Variants in P3H2 observed in about 807,000 individuals in gnomAD.
P3H2 encodes the protein prolyl 3-hydroxylase 2.
Under a neutral mutation model 87.0 loss-of-function variants are expected in P3H2, and 80 were observed. The ratio of observed to expected loss-of-function variants is 0.92; its 90% CI spans 0.77 to 1.11. The LOEUF is 1.11. P3H2 is among the 50% of genes least tolerant of loss of function. The pLI is 0.00. For synonymous variants in P3H2, 367 were observed against 359.3 expected (o/e 1.02, Z -0.24); for missense variants, 1,001 against 923.9 (o/e 1.08, Z -1.08).
chr3:189,971,962 T>C lies in P3H2; in HGVS notation c.1745A>G (p.Asp582Gly). 6.2e-7 allele frequency: 1 copy of C among 1,613,892 alleles called. No individual in the cohort carries two copies. Among genetic ancestry groups the C allele is most frequent in the South Asian group, 1.1e-5 (1 of 91,076 alleles). The part of the protein sequence containing the change: ...RNDLSHPIHA[D>G]NCLLDPEANE... ...GGCCTCTGGATCCAACAAACAGTTG[T>C]CAGCATGGATGGGATGACTGAGGTC... The change falls in exon 12 of 15, where the codon GAC becomes GGC. Residue 582 changes from aspartate (D) to glycine (G), a missense_variant. Transcript: ENST00000319332.
chr3:189,974,809 C>T lies in P3H2; in HGVS notation c.1325-124G>A, dbSNP rs1723300285. On this transcript the variant is annotated intron_variant, in intron 8 of 14. Coordinates refer to ENST00000319332, the MANE Select transcript of P3H2 (RefSeq NM_018192.4). The stretch of plus-strand genomic sequence containing the variant: ...ATTTCTTCATGAATATTTAGAAATG[C>T]AAAGACAAATTGCAAATTAGGAAGC... 2.5e-6 allele frequency: 3 copies of T among 1,218,800 alleles called. No individual in the cohort carries two copies. The Admixed American group carries it at 5.3e-5, about 22-fold the overall frequency. 75.5% of individuals were successfully genotyped at this position (1,218,800 alleles called of 1,614,324 possible).
At chr3:189,984,389 A>G (rs1354675884) in intron 7 of P3H2, among the ~76,000 whole-genome samples, 161 bp downstream of exon 7, 1 of 152,152 alleles carries the variant, frequency 6.6e-6, no homozygotes, top group African/African-American at 2.4e-5. Flanking sequence ...AAAACGTGGC[A>G]GGAAGAGCTG....
intron 10 of P3H2, 59 bp downstream of exon 10, chr3:189,973,850 T>A: frequency 7.6e-7 from 1 of 1,310,244 alleles, no homozygotes; most frequent in Non-Finnish European, 1.1e-6. Context: ...TATCTGCCAT[T>A]TACAGAAGCC....
chr3:190,020,204 G>C (rs1724893641), intron 1 of P3H2, among the ~76,000 whole-genome samples: 1 of 133,824 alleles, frequency 7.5e-6, no homozygotes, highest in Non-Finnish European at 1.7e-5. Context: ...AGAGACTGTA[G>C]GTTTCAGGAA....
intron 1 of P3H2, among the ~76,000 whole-genome samples, chr3:190,092,931 C>T (rs953552696): frequency 6.6e-6 from 1 of 151,914 alleles, no homozygotes; most frequent in South Asian, 2.1e-4. Flanking sequence ...CTTTCTAATC[C>T]CCCCCAAAAA....
intron 1 of P3H2, among the ~76,000 whole-genome samples, chr3:190,007,677 C>T (rs1456383219): frequency 6.6e-6 from 1 of 151,874 alleles, no homozygotes; most frequent in Non-Finnish European, 1.5e-5. Flanking sequence ...TGATGTTTGT[C>T]AGCCCTTACC....
At chr3:189,977,933 C>T (rs1266905795) in intron 8 of P3H2, among the ~76,000 whole-genome samples, 1 of 152,130 alleles carries the variant, frequency 6.6e-6, no homozygotes, top group Non-Finnish European at 1.5e-5. Context: ...AAAATCCCCC[C>T]TAAACGTCTT....
At chr3:190,093,527 C>T (rs759876009) in intron 1 of P3H2, among the ~76,000 whole-genome samples, 18 of 152,100 alleles carry the variant, frequency 1.2e-4, no homozygotes, top group African/African-American at 3.1e-4. Flanking sequence ...AGTGTCCTCA[C>T]GGTTGTTGAA....
intron 1 of P3H2, among the ~76,000 whole-genome samples, chr3:190,068,231 C>A (rs1197717782): frequency 2.0e-5 from 3 of 151,960 alleles, no homozygotes; most frequent in Non-Finnish European, 4.4e-5. Context: ...TTTGAAAGGA[C>A]CTTCAAAATA....
At chr3:190,047,323 G>A (rs934917686) in intron 1 of P3H2, among the ~76,000 whole-genome samples, 1 of 152,188 alleles carries the variant, frequency 6.6e-6, no homozygotes, top group Non-Finnish European at 1.5e-5. Context: ...AAACAGTATG[G>A]AGAGTCCTCA....
chr3:189,992,096 T>C (rs1391968652), intron 3 of P3H2, among the ~76,000 whole-genome samples: 1 of 152,156 alleles, frequency 6.6e-6, no homozygotes, highest in Non-Finnish European at 1.5e-5. Context: ...TTTGTTTGTT[T>C]GTTTGTTTTT....
At chr3:190,065,985 T>A (rs146272521) in intron 1 of P3H2, among the ~76,000 whole-genome samples, 19 of 152,172 alleles carry the variant, frequency 1.2e-4, no homozygotes, top group African/African-American at 3.9e-4. Flanking sequence ...AGGAGTGTGC[T>A]ATATAATTTC....
chr3:190,114,312 T>A (rs989328797), intron 1 of P3H2, among the ~76,000 whole-genome samples: 3 of 149,814 alleles, frequency 2.0e-5, no homozygotes, highest in Non-Finnish European at 3.0e-5. Context: ...GCCTCCCGAG[T>A]AGCTGGGACT....
At position 189,957,059 on chromosome 3, in the gene P3H2, C is replaced by T. The variant is rs1013423304; in HGVS notation, c.*853G>A. The T allele has an allele frequency of 3.8e-5, 15 of 398,400 alleles. No homozygotes were observed. Among genetic ancestry groups the T allele is most frequent in the Non-Finnish European group, 4.9e-5 (11 of 226,094 alleles). The allele number at this position is 398,400 out of a possible 1,614,324, so 24.7% of individuals were successfully genotyped here. ...TTCTGGAGTACTGTGGAGGGTGAAT[C>T]AAAGCTTCCAGTGTAAGTTTATTGT... On this transcript the variant is annotated 3_prime_UTR_variant, in exon 15 of 15. Coordinates refer to ENST00000319332, the MANE Select transcript of P3H2 (RefSeq NM_018192.4).
chr3:189,959,390 T>C (rs992487297), intron 14 of P3H2, among the ~76,000 whole-genome samples: 35 of 142,912 alleles, frequency 2.4e-4, no homozygotes, highest in South Asian at 2.5e-4. Flanking sequence ...TATCTCCCAA[T>C]GCTATCCCTC....
chr3:189,977,070 C>T (rs1405847389), intron 8 of P3H2, among the ~76,000 whole-genome samples: 2 of 152,136 alleles, frequency 1.3e-5, no homozygotes, highest in Non-Finnish European at 2.9e-5. Context: ...AATTCTCTCC[C>T]TCCCCGACTC....
chr3:190,044,708 T>C (rs570675740), intron 1 of P3H2, among the ~76,000 whole-genome samples: 133 of 152,268 alleles, frequency 8.7e-4, no homozygotes, highest in Non-Finnish European at 1.3e-3. Context: ...CTATCACATA[T>C]GGAGGAGTGA....
intron 1 of P3H2, among the ~76,000 whole-genome samples, chr3:190,103,410 G>A (rs1244879126): frequency 1.3e-5 from 2 of 152,334 alleles, no homozygotes; most frequent in East Asian, 1.9e-4. Context: ...TACAGGAAAA[G>A]AAATCATTAC....
At chr3:190,091,326 T>C (rs754051619) in intron 1 of P3H2, among the ~76,000 whole-genome samples, 12 of 152,250 alleles carry the variant, frequency 7.9e-5, no homozygotes, top group East Asian at 1.9e-4. Context: ...AGAGTCATGA[T>C]TGCCATATGG....
Sources: gnomAD v4.1 joint callset for allele counts (sites outside exome capture counted in the v4.1 genomes callset) on GRCh38, gnomAD v4.1.1 for gene constraint, MANE v1.5 for transcripts, NCBI Gene and HGNC (gene_info 2026-07-23, HGNC 2026-07-21) for gene names.